Variants in NOTCH2 observed in about 807,000 individuals in gnomAD.
NOTCH2 encodes neurogenic locus notch homolog protein 2.
A neutral mutation model predicts 235.8 loss-of-function variants in NOTCH2; 29 were observed. The ratio of observed to expected loss-of-function variants is 0.12; its 90% CI spans 0.09 to 0.17. NOTCH2 has a LOEUF of 0.17. Among genes scored for constraint, NOTCH2 ranks in the 10% least tolerant of loss-of-function variants. NOTCH2 has a pLI of 1.00. For missense variants in NOTCH2, 2,285 were observed against 3,150.2 expected (o/e 0.73, Z 6.57); for synonymous variants, 1,086 against 1,141.5 (o/e 0.95, Z 0.98).
intron 31 of NOTCH2, 134 bp downstream of exon 31, chr1:119,919,178 A>C (rs1247081321): frequency 1.0e-6 from 1 of 1,000,128 alleles, no homozygotes; most frequent in Non-Finnish European, 1.5e-6. Flanking sequence ...CCATCTACCA[A>C]GCATGACTCT....
chr1:120,004,621 GAA>G (rs1396916407), intron 3 of NOTCH2, among the ~76,000 whole-genome samples: 3 of 151,276 alleles, frequency 2.0e-5, no homozygotes, highest in African/African-American at 7.3e-5. Context: ...GAAGCAAAAG[GAA>G]CAGGGTTCAG....
intron 5 of NOTCH2, among the ~76,000 whole-genome samples, chr1:119,977,229 C>T (rs967943915): frequency 1.3e-5 from 2 of 152,092 alleles, no homozygotes; most frequent in African/African-American, 4.8e-5. Context: ...TATCTTTCAA[C>T]TCACCCTTCT....
chr1:119,964,887 CA>C (rs1553199472), intron 10 of NOTCH2, among the ~76,000 whole-genome samples: 1 of 152,156 alleles, frequency 6.6e-6, no homozygotes, highest in Non-Finnish European at 1.5e-5. Context: ...CCCAGAAATG[CA>C]GAATATTTGT....
At position 119,916,499 on chromosome 1, in the gene NOTCH2, C is replaced by G. The variant is rs150516342; in HGVS notation, c.6223G>C (p.Val2075Leu). ...ACAGGTGAGAGAGCAGAAGTCAACA[C>G]GGTGCCTGGAGGGCTTGGGGTCACA... ...YNVTPSPPGT[V>L]LTSALSPVIC... is the part of the protein sequence containing the mutation. Residue 2075 changes from valine (V) to leucine (L), a missense_variant, in exon 34 of 34, where the codon GTG becomes CTG. Physicochemically the swap from Val to Leu is conservative, Grantham distance 32. Coordinates refer to ENST00000256646, the MANE Select transcript of NOTCH2 (RefSeq NM_024408.4). 3 of 1,612,348 alleles carry G rather than the reference C, an allele frequency of 1.9e-6. No individual in the cohort carries two copies. Among genetic ancestry groups the G allele is most frequent in the Non-Finnish European group, 2.5e-6 (3 of 1,178,478 alleles).
In NOTCH2 at chr1:119,916,810, G is replaced by A. The variant is rs41277624; in HGVS notation, c.6028-116C>T. Reference sequence around the variant, plus strand: ...GACATGTTTTCCTAATTATCTCCCCGATGAAATATTAACACCACAGATAGG... The same window carrying A: ...GACATGTTTTCCTAATTATCTCCCCAATGAAATATTAACACCACAGATAGG... On this transcript the variant is annotated intron_variant, in intron 33 of 33. Transcript: ENST00000256646. The A allele has an allele frequency of 0.038, 38,567 of 1,002,706 alleles. 905 individuals carry two copies. Among genetic ancestry groups the A allele is most frequent in the Non-Finnish European group, 0.045 (29,208 of 651,578 alleles). 62.1% of individuals were successfully genotyped at this position (1,002,706 alleles called of 1,614,324 possible).
At chr1:119,980,086 A>T (rs111828756) in intron 5 of NOTCH2, among the ~76,000 whole-genome samples, 1,901 of 152,260 alleles carry the variant, frequency 0.012, 43 homozygotes, top group African/African-American at 0.043. Context: ...TGGGTTGAGG[A>T]CCAGTAAGGT....
At chr1:119,969,842 G>T in intron 5 of NOTCH2, 98 bp from the exon 6 acceptor site, 1 of 1,082,716 alleles carries the variant, frequency 9.2e-7, no homozygotes, top group Non-Finnish European at 1.4e-6. Flanking sequence ...TGACCTGTCT[G>T]AAATTAAGGC....
At chr1:119,998,944 G>GT (rs1395584190) in intron 3 of NOTCH2, among the ~76,000 whole-genome samples, 12 of 129,346 alleles carry the variant, frequency 9.3e-5, no homozygotes, top group African/African-American at 3.3e-4. Context: ...GCGGTGTTTG[G>GT]TTTTTTGTCC....
intron 1 of NOTCH2, among the ~76,000 whole-genome samples, chr1:120,058,287 T>C (rs1288317621): frequency 2.0e-5 from 3 of 151,838 alleles, no homozygotes; most frequent in Admixed American, 6.6e-5. Flanking sequence ...GCGGATCACC[T>C]GAGGTCAGGA....
chr1:119,953,713 T>C (rs1553198101), intron 13 of NOTCH2, 25 bp from the exon 14 acceptor site: 2 of 1,606,724 alleles, frequency 1.2e-6, no homozygotes, highest in Non-Finnish European at 1.7e-6. Flanking sequence ...AACTTTTTAC[T>C]ATAGGAGGTA....
chr1:119,997,861 CTACT>C (rs1652531908), intron 3 of NOTCH2, among the ~76,000 whole-genome samples: 3 of 140,634 alleles, frequency 2.1e-5, no homozygotes, highest in Non-Finnish European at 4.5e-5. Context: ...GTGATCCCAG[CTACT>C]TGGAAGGCTG....
chr1:120,063,571 A>G (rs1655394854), intron 1 of NOTCH2, among the ~76,000 whole-genome samples: 1 of 152,238 alleles, frequency 6.6e-6, no homozygotes, highest in South Asian at 2.1e-4. Context: ...TACTAACCTT[A>G]TACCATAGCA....
At chr1:119,917,445 C>A (rs2101146508) in intron 33 of NOTCH2, among the ~76,000 whole-genome samples, 1 of 152,346 alleles carries the variant, frequency 6.6e-6, no homozygotes, top group Non-Finnish European at 1.5e-5. Context: ...TATAGCCAGC[C>A]TACTGCAAGC....
intron 21 of NOTCH2, among the ~76,000 whole-genome samples, chr1:119,936,100 G>A (rs1301540260): frequency 2.0e-5 from 3 of 151,970 alleles, no homozygotes; most frequent in Non-Finnish European, 4.4e-5. Context: ...GGGCTGGCTG[G>A]CTGGCTGTGG....
intron 22 of NOTCH2, among the ~76,000 whole-genome samples, chr1:119,931,874 A>G (rs1225905811): frequency 2.0e-5 from 3 of 151,508 alleles, no homozygotes; most frequent in Admixed American, 6.6e-5. Flanking sequence ...AAATCACTAT[A>G]AAGAAAAAAG....
Position 119,967,452 on chromosome 1 carries a change from G to A in NOTCH2, c.1434C>T (p.Phe478=). 6.2e-7 allele frequency: 1 copy of A among 1,614,100 alleles called. No homozygotes were observed. The highest frequency in any genetic ancestry group is 1.3e-5 in the African/African-American group (1 of 75,042). Residue 478 remains phenylalanine (F), a synonymous_variant, in exon 8 of 34, where the codon TTC becomes TTT. Coordinates refer to ENST00000256646, the MANE Select transcript of NOTCH2 (RefSeq NM_024408.4). The part of the protein sequence containing the change: ...DATCLDKIGG[F]TCLCMPGFKG... ...ATTTACCTGGCATGCACAGACATGTGAAGCCTCCAATCTTATCCAGACAGG... is the reference window on the plus strand; with the variant it reads ...ATTTACCTGGCATGCACAGACATGTAAAGCCTCCAATCTTATCCAGACAGG...
At chr1:119,980,211 C>T (rs1651760202) in intron 5 of NOTCH2, among the ~76,000 whole-genome samples, 1 of 152,194 alleles carries the variant, frequency 6.6e-6, no homozygotes, top group Non-Finnish European at 1.5e-5. Flanking sequence ...TGTTCTAGTC[C>T]AAGATCTCAA....
intron 5 of NOTCH2, among the ~76,000 whole-genome samples, chr1:119,983,710 AC>A (rs1553201922): frequency 6.6e-6 from 1 of 152,180 alleles, no homozygotes; most frequent in African/African-American, 2.4e-5. Context: ...TGACAAATTT[AC>A]CCTAAATCAA....
chr1:119,997,147 G>A lies in NOTCH2; in HGVS notation c.601C>T (p.Leu201=), dbSNP rs1553204315. 2 of 1,614,016 alleles carry A rather than the reference G, an allele frequency of 1.2e-6. No homozygotes were observed. Among genetic ancestry groups the A allele is most frequent in the African/African-American group, 1.3e-5 (1 of 75,074 alleles). Residue 201 remains leucine (L), a synonymous_variant, in exon 4 of 34, where the codon CTG becomes TTG. Coordinates refer to ENST00000256646, the MANE Select transcript of NOTCH2 (RefSeq NM_024408.4). ...CACTGGCACTGGTAGGAACCAGGCA[G>A]GTTGAGGCAGGTGCCACCATGCTGG... ...HCQHGGTCLN[L]PGSYQCQCPQ... is the part of the protein sequence containing the mutation.
Sources: allele counts gnomAD v4.1 joint callset (sites outside exome capture counted in the v4.1 genomes callset), GRCh38; gene constraint gnomAD v4.1.1; transcripts MANE v1.5; gene names NCBI Gene and HGNC (gene_info 2026-07-23, HGNC 2026-07-21).